Variants in SPAG16 observed in about 807,000 individuals in gnomAD.
SPAG16 encodes sperm associated antigen 16.
In SPAG16, 86 loss-of-function variants were observed where a neutral mutation model predicts 80.4. The ratio of observed to expected loss-of-function variants is 1.07; its 90% CI spans 0.90 to 1.28. SPAG16 has a LOEUF of 1.28. SPAG16 is among the 50% of genes most tolerant of loss of function. The pLI, the probability that SPAG16 is intolerant of heterozygous loss-of-function variation, is 0.00. For missense variants in SPAG16, 870 were observed against 765.3 expected, an observed-to-expected ratio of 1.14 and a Z score of -1.61; for synonymous variants, 294 against 265.9, an observed-to-expected ratio of 1.11 and a Z score of -1.03.
intron 12 of SPAG16, among the ~76,000 whole-genome samples, chr2:214,010,962 T>G (rs1306575828): frequency 6.8e-6 from 1 of 146,204 alleles, no homozygotes; most frequent in African/African-American, 2.7e-5. Flanking sequence ...TAATATACTT[T>G]AATATTTTTC....
At chr2:214,120,815 A>C (rs2054184825) in intron 14 of SPAG16, among the ~76,000 whole-genome samples, 1 of 151,818 alleles carries the variant, frequency 6.6e-6, no homozygotes, top group Non-Finnish European at 1.5e-5. Flanking sequence ...TTAAACTTGT[A>C]ACTTTTAATT....
intron 9 of SPAG16, among the ~76,000 whole-genome samples, chr2:213,388,150 C>T (rs1325413893): frequency 1.3e-5 from 2 of 152,214 alleles, no homozygotes; most frequent in African/African-American, 2.4e-5. Context: ...CAGGCAGCTG[C>T]ACACAAATTC....
rs147104403 is a variant in SPAG16 at position 214,295,211 on chromosome 2, G to A, written c.1721-114929G>A. Among the ~76,000 whole-genome samples, 1,242 of 152,258 alleles carry A rather than the reference G, an allele frequency of 8.2e-3. 7 individuals carry two copies. Among genetic ancestry groups the A allele is most frequent in the Non-Finnish European group, 0.012 (845 of 68,014 alleles). ...ACAAGTTTGAAGTCTGGCAACCAAG[G>A]AGCAAAAGTGGGTGGGGCATTATTC... On this transcript the variant is annotated intron_variant, in intron 15 of 15. Coordinates refer to ENST00000331683, the MANE Select transcript of SPAG16 (RefSeq NM_024532.5).
intron 7 of SPAG16, among the ~76,000 whole-genome samples, chr2:213,352,627 C>T (rs561831042): frequency 1.3e-5 from 2 of 152,316 alleles, no homozygotes; most frequent in Admixed American, 6.5e-5. Context: ...AGTGAGGATT[C>T]AGGTTATTTA....
chr2:213,954,530 G>T (rs1251334204), intron 12 of SPAG16, among the ~76,000 whole-genome samples: 1 of 151,810 alleles, frequency 6.6e-6, no homozygotes, highest in Non-Finnish European at 1.5e-5. Context: ...TAAGTTCTGG[G>T]ATACACGTAT....
intron 6 of SPAG16, among the ~76,000 whole-genome samples, chr2:213,347,961 G>A (rs2065091453): frequency 1.3e-5 from 2 of 152,102 alleles, no homozygotes; most frequent in African/African-American, 4.8e-5. Flanking sequence ...CTGTCTCGTT[G>A]ATCTGTCTAA....
At chr2:213,718,755 G>T in intron 10 of SPAG16, among the ~76,000 whole-genome samples, 1 of 152,160 alleles carries the variant, frequency 6.6e-6, no homozygotes, top group East Asian at 1.9e-4. Context: ...CCTGCAGCCC[G>T]CCATGCCTGA....
At chr2:213,908,794 T>G (rs1237700219) in intron 11 of SPAG16, among the ~76,000 whole-genome samples, 1 of 151,930 alleles carries the variant, frequency 6.6e-6, no homozygotes, top group Admixed American at 6.6e-5. Context: ...TTATTATACT[T>G]TAAGTTTTAG....
intron 12 of SPAG16, among the ~76,000 whole-genome samples, chr2:213,946,302 A>G (rs2079462349): frequency 6.6e-6 from 1 of 152,086 alleles, no homozygotes; most frequent in South Asian, 2.1e-4. Context: ...TTGAATAGAG[A>G]CGGGGTTTTA....
At chr2:213,580,761 T>C (rs1374083599) in intron 10 of SPAG16, among the ~76,000 whole-genome samples, 4 of 152,170 alleles carry the variant, frequency 2.6e-5, no homozygotes, top group African/African-American at 9.6e-5. Flanking sequence ...ATAATTTCTG[T>C]TCTGTGAAAA....
At chr2:214,080,956 C>T (rs921331668) in intron 13 of SPAG16, among the ~76,000 whole-genome samples, 3 of 151,948 alleles carry the variant, frequency 2.0e-5, no homozygotes, top group Non-Finnish European at 4.4e-5. Context: ...TTCAAGTTCT[C>T]AGGTGATGTT....
chr2:214,339,567 C>T (rs969094509), intron 15 of SPAG16, among the ~76,000 whole-genome samples: 3 of 152,150 alleles, frequency 2.0e-5, no homozygotes, highest in Non-Finnish European at 4.4e-5. Context: ...AGGAGTAGAA[C>T]GTCTCTATTT....
At chr2:214,329,889 C>T (rs1339903148) in intron 15 of SPAG16, among the ~76,000 whole-genome samples, 1 of 151,978 alleles carries the variant, frequency 6.6e-6, no homozygotes, top group Non-Finnish European at 1.5e-5. Context: ...GAAATGTCAG[C>T]TTGAAAGTCT....
intron 9 of SPAG16, among the ~76,000 whole-genome samples, chr2:213,384,262 T>G (rs2067316189): frequency 1.3e-5 from 2 of 152,218 alleles, no homozygotes; most frequent in Non-Finnish European, 1.5e-5. Flanking sequence ...TCAAGTCTCC[T>G]ACTTGGCATT....
At chr2:214,402,316 G>GT (rs1237757371) in intron 15 of SPAG16, among the ~76,000 whole-genome samples, 1 of 151,928 alleles carries the variant, frequency 6.6e-6, no homozygotes, top group Non-Finnish European at 1.5e-5. Context: ...CCTCTCAGTG[G>GT]TTTTTCCTTG....
At chr2:214,288,238 T>C (rs1693513274) in intron 15 of SPAG16, among the ~76,000 whole-genome samples, 1 of 152,226 alleles carries the variant, frequency 6.6e-6, no homozygotes, top group South Asian at 2.1e-4. Flanking sequence ...TCCATGTTAC[T>C]GCAAATGCCC....
chr2:213,660,061 C>T (rs2063360138), intron 10 of SPAG16, among the ~76,000 whole-genome samples: 1 of 152,080 alleles, frequency 6.6e-6, no homozygotes, highest in African/African-American at 2.4e-5. Flanking sequence ...AGAATGTACA[C>T]TTTCTAAAGG....
At chr2:213,865,868 A>G (rs1001269996) in intron 11 of SPAG16, among the ~76,000 whole-genome samples, 1 of 148,184 alleles carries the variant, frequency 6.7e-6, no homozygotes, top group Non-Finnish European at 1.5e-5. Context: ...GTAAGAAAAC[A>G]GTAATATACA....
chr2:214,041,976 G>GTATATATATA (rs1412300296), intron 13 of SPAG16, among the ~76,000 whole-genome samples: 71 of 88,146 alleles, frequency 8.1e-4, no homozygotes, highest in African/African-American at 3.8e-3. Context: ...GTGTCTGTGT[G>GTATATATATA]TGTATATATA....
Sources: allele counts gnomAD v4.1 joint callset (sites outside exome capture counted in the v4.1 genomes callset), GRCh38; gene constraint gnomAD v4.1.1; transcripts MANE v1.5; gene names NCBI Gene and HGNC (gene_info 2026-07-23, HGNC 2026-07-21).